HERC4: variants seen among roughly 807,000 people sequenced by gnomAD.
HERC4 encodes the protein probable E3 ubiquitin-protein ligase HERC4.
HERC4 carries 28 observed loss-of-function variants against 124.3 expected under a neutral mutation model. The ratio of observed to expected loss-of-function variants is 0.23; its 90% CI spans 0.17 to 0.31. HERC4 has a LOEUF of 0.31. HERC4 is among the 10% of genes least tolerant of loss of function. The probability of loss-of-function intolerance (pLI) is 1.00; values close to 1 mark genes in which losing one functional copy is unlikely to be tolerated. For synonymous variants in HERC4, 407 were observed against 421.5 expected (o/e 0.97, Z 0.42); for missense variants, 713 against 1,229.3 (o/e 0.58, Z 6.28).
At chr10:67,944,240 A>G (rs2033148771) in intron 19 of HERC4, among the ~76,000 whole-genome samples, 1 of 152,230 alleles carries the variant, frequency 6.6e-6, no homozygotes, top group Non-Finnish European at 1.5e-5. Flanking sequence ...CCCCAGCTCC[A>G]GAGAGCTCAG....
At chr10:68,069,841 GACC>G in intron 3 of HERC4, 2 of 599,446 alleles carry the variant, frequency 3.3e-6, no homozygotes, top group Non-Finnish European at 4.2e-6. Flanking sequence ...AGGATATCAA[GACC>G]ATCCTGGCTA....
At chr10:67,973,577 G>T (rs2035382775) in intron 15 of HERC4, among the ~76,000 whole-genome samples, 1 of 152,150 alleles carries the variant, frequency 6.6e-6, no homozygotes, top group South Asian at 2.1e-4. Context: ...ATATTATTCG[G>T]CTGAGAGAGT....
intron 1 of HERC4, chr10:68,074,153 C>T (rs2041698821): frequency 6.6e-6 from 1 of 152,228 alleles, no homozygotes; most frequent in South Asian, 2.1e-4. Flanking sequence ...AATATTTCCT[C>T]ACTTGTAAAG....
At chr10:67,960,920 T>C (rs148912675) in intron 16 of HERC4, 1 of 321,292 alleles carries the variant, frequency 3.1e-6, no homozygotes. Context: ...CCAATGTTTA[T>C]TGACCACTTC....
intron 16 of HERC4, among the ~76,000 whole-genome samples, chr10:67,962,484 A>G (rs2034588565): frequency 1.3e-5 from 2 of 152,182 alleles, no homozygotes; most frequent in Non-Finnish European, 2.9e-5. Flanking sequence ...ATTTGGTTAC[A>G]CTAAAAATTG....
Position 68,044,470 on chromosome 10 carries a change from G to A in HERC4, c.320C>T (p.Ala107Val). ...CTGTCCATCAGAATCGAGACCCCAA[G>A]CATACACCTGGCCTTTGTCATTTAG... ...LALNDKGQVY[A>V]WGLDSDGQLG... The change falls in exon 4 of 25, where the codon GCT becomes GTT. Residue 107 changes from alanine (A) to valine (V), a missense_variant. Coordinates refer to ENST00000373700, the MANE Select transcript of HERC4 (RefSeq NM_015601.4). The A allele has an allele frequency of 1.2e-6, 2 of 1,614,060 alleles. No individual in the cohort carries two copies. The highest frequency in any genetic ancestry group is 8.5e-7 in the Non-Finnish European group (1 of 1,180,010).
intron 3 of HERC4, among the ~76,000 whole-genome samples, chr10:68,059,477 AATATTATATATTATAACATTATATATT>A: frequency 7.8e-6 from 1 of 128,472 alleles, no homozygotes; most frequent in Admixed American, 9.2e-5. Flanking sequence ...TATATATTAT[AATATTATATATTATAACATTATATATT>A]ATAATATTAT....
chr10:67,936,045 A>G (rs896740115), intron 22 of HERC4, 108 bp downstream of exon 22: 17 of 631,232 alleles, frequency 2.7e-5, no homozygotes, highest in Middle Eastern at 2.7e-4. Context: ...ACTCAAAATT[A>G]AAGTTTTATT....
intron 15 of HERC4, among the ~76,000 whole-genome samples, chr10:67,971,421 A>G (rs961446624): frequency 6.6e-6 from 1 of 152,136 alleles, no homozygotes; most frequent in Non-Finnish European, 1.5e-5. Flanking sequence ...TAATATATAT[A>G]AAGTATAATA....
intron 24 of HERC4, among the ~76,000 whole-genome samples, chr10:67,924,332 GCAT>G (rs2030617292): frequency 6.6e-6 from 1 of 152,234 alleles, no homozygotes; most frequent in South Asian, 2.1e-4. Context: ...TCTGAGAAAT[GCAT>G]CATTAGGTGA....
At chr10:67,954,803 T>C in intron 18 of HERC4, 65 bp from the exon 19 acceptor site, 1 of 1,441,122 alleles carries the variant, frequency 6.9e-7, no homozygotes, top group Non-Finnish European at 9.5e-7. Flanking sequence ...CTGGAGACCC[T>C]AGAACATGTT....
At chr10:67,941,483 A>AAACATAG (rs2032885674) in intron 19 of HERC4, among the ~76,000 whole-genome samples, 1 of 152,122 alleles carries the variant, frequency 6.6e-6, no homozygotes, top group Admixed American at 6.5e-5. Flanking sequence ...AACAAAGAAA[A>AAACATAG]AACATAGAAA....
intron 19 of HERC4, chr10:67,954,174 A>G (rs1046953372): frequency 6.5e-6 from 1 of 153,080 alleles, no homozygotes; most frequent in Non-Finnish European, 1.5e-5. Context: ...ACAATAGGTA[A>G]AAGAGTGGGT....
chr10:67,983,912 G>C (rs961507364), intron 15 of HERC4, among the ~76,000 whole-genome samples: 2 of 151,662 alleles, frequency 1.3e-5, no homozygotes, highest in Non-Finnish European at 2.9e-5. Flanking sequence ...GCAGTGAGCT[G>C]AGACTGTGCC....
intron 23 of HERC4, among the ~76,000 whole-genome samples, chr10:67,927,841 G>T (rs975051879): frequency 2.0e-4 from 30 of 152,234 alleles, no homozygotes; most frequent in African/African-American, 7.2e-4. Context: ...TGGGAATACA[G>T]CAGTGAACAA....
intron 8 of HERC4, among the ~76,000 whole-genome samples, chr10:68,019,812 G>T (rs2038501359): frequency 6.6e-6 from 1 of 152,128 alleles, no homozygotes; most frequent in South Asian, 2.1e-4. Context: ...TAACGACTTT[G>T]TCTGTTTTAG....
intron 9 of HERC4, among the ~76,000 whole-genome samples, chr10:68,004,259 G>C (rs1159570450): frequency 1.3e-5 from 2 of 152,242 alleles, no homozygotes; most frequent in African/African-American, 4.8e-5. Flanking sequence ...CAACAACTGA[G>C]TTGAAACAAC....
At chr10:67,972,219 GA>G (rs767498811) in intron 15 of HERC4, among the ~76,000 whole-genome samples, 141 of 51,210 alleles carry the variant, frequency 2.8e-3, no homozygotes, top group Non-Finnish European at 3.3e-3. Context: ...TGTCTCAAAG[GA>G]AAAAAAAAAA....
chr10:68,044,952 C>T (rs2039944240), intron 3 of HERC4, among the ~76,000 whole-genome samples: 2 of 152,068 alleles, frequency 1.3e-5, no homozygotes, highest in Admixed American at 1.3e-4. Flanking sequence ...ATAACCTGGG[C>T]TGCTTGATTT....
Sources: allele counts gnomAD v4.1 joint callset (sites outside exome capture counted in the v4.1 genomes callset), GRCh38; gene constraint gnomAD v4.1.1; transcripts MANE v1.5; gene names NCBI Gene and HGNC (gene_info 2026-07-23, HGNC 2026-07-21).